MAN2A1: variants seen among roughly 807,000 people sequenced by gnomAD.
MAN2A1 encodes the protein mannosidase alpha class 2A member 1.
MAN2A1 carries 76 observed loss-of-function variants against 142.6 expected under a neutral mutation model. The observed-to-expected ratio is 0.53, with a 90% CI of 0.44 to 0.65. The LOEUF (loss-of-function observed/expected upper bound fraction) is 0.65. MAN2A1 is among the 30% of genes least tolerant of loss of function. The pLI, the probability that MAN2A1 is intolerant of heterozygous loss-of-function variation, is 0.00. For missense variants in MAN2A1, 1,311 were observed against 1,365.1 expected (o/e 0.96, Z 0.62); for synonymous variants, 559 against 473.2 (o/e 1.18, Z -2.35).
intron 13 of MAN2A1, 140 bp from the exon 14 acceptor site, chr5:109,819,529 G>A: frequency 2.0e-6 from 1 of 493,870 alleles, no homozygotes; most frequent in South Asian, 4.1e-5. Flanking sequence ...TGTGGACATG[G>A]AACCTGTGGA....
At chr5:109,785,741 AAGG>A (rs1004522833) in intron 10 of MAN2A1, among the ~76,000 whole-genome samples, 13 of 151,944 alleles carry the variant, frequency 8.6e-5, no homozygotes, top group Non-Finnish European at 1.9e-4. Context: ...TAGATTGGGG[AAGG>A]AGTTTTGACT....
intron 12 of MAN2A1, among the ~76,000 whole-genome samples, chr5:109,794,486 G>A (rs1052603789): frequency 6.6e-6 from 1 of 152,086 alleles, no homozygotes; most frequent in Non-Finnish European, 1.5e-5. Flanking sequence ...CTTGAAACTG[G>A]TCGGCTATAT....
chr5:109,824,716 G>C (rs1170302540), intron 16 of MAN2A1, among the ~76,000 whole-genome samples: 2 of 152,164 alleles, frequency 1.3e-5, no homozygotes, highest in African/African-American at 4.8e-5. Flanking sequence ...TAAATGTATA[G>C]GTAGGCACGG....
chr5:109,708,527 C>CACACACAG (rs1751205679), intron 1 of MAN2A1, among the ~76,000 whole-genome samples: 1 of 151,142 alleles, frequency 6.6e-6, no homozygotes, highest in Admixed American at 6.6e-5. Context: ...CACACACACA[C>CACACACAG]ACACACACAC....
At chr5:109,840,389 T>G in intron 16 of MAN2A1, 2 of 382,378 alleles carry the variant, frequency 5.2e-6, no homozygotes, top group South Asian at 4.7e-5. Context: ...TCCAGAGAAA[T>G]TGCTGGTAAT....
At chr5:109,716,289 A>G (rs1237065713) in intron 3 of MAN2A1, 25 bp downstream of exon 3, 1 of 1,583,978 alleles carries the variant, frequency 6.3e-7, no homozygotes, top group South Asian at 1.2e-5. Context: ...TCAAAAAGAC[A>G]GGAGGTTATT....
intron 13 of MAN2A1, among the ~76,000 whole-genome samples, chr5:109,819,044 C>T (rs1380299202): frequency 2.0e-5 from 3 of 152,110 alleles, no homozygotes; most frequent in East Asian, 1.9e-4. Context: ...TTTATAATAG[C>T]GTGAAAGTAA....
chr5:109,827,554 A>G (rs113232368), intron 16 of MAN2A1, among the ~76,000 whole-genome samples: 2,833 of 152,252 alleles, frequency 0.019, 34 homozygotes, highest in Middle Eastern at 0.071. Flanking sequence ...GTATAGTTCA[A>G]CCTACTTTTG....
chr5:109,714,196 A>C (rs1751389636), intron 2 of MAN2A1, among the ~76,000 whole-genome samples: 1 of 145,014 alleles, frequency 6.9e-6, no homozygotes, highest in Admixed American at 6.8e-5. Flanking sequence ...TTTTTTCTTA[A>C]TATCCTTTTG....
In MAN2A1 at chr5:109,823,683, A is replaced by G. The variant is rs780169144; in HGVS notation, c.2452-40A>G. 3.7e-5 allele frequency: 39 copies of G among 1,043,466 alleles called. 1 individual carries two copies. The South Asian group carries it at 5.1e-4, about 14-fold the overall frequency. 64.6% of individuals were successfully genotyped at this position (1,043,466 alleles called of 1,614,324 possible). On this transcript the variant is annotated intron_variant, in intron 15 of 21. Transcript: ENST00000261483. ...AAACATATTCTTTTAAAAGTTTGGAAGCCAAAATATTTTTCTTAAATATAT... is the reference window on the plus strand; with the variant it reads ...AAACATATTCTTTTAAAAGTTTGGAGGCCAAAATATTTTTCTTAAATATAT...
intron 7 of MAN2A1, among the ~76,000 whole-genome samples, chr5:109,773,130 T>G (rs1165764974): frequency 6.6e-6 from 1 of 152,304 alleles, no homozygotes; most frequent in East Asian, 1.9e-4. Flanking sequence ...TGTTATTGGT[T>G]CCATATATTT....
chr5:109,706,464 A>G (rs10477974), intron 1 of MAN2A1, among the ~76,000 whole-genome samples: 12,759 of 152,262 alleles, frequency 0.084, 631 homozygotes, highest in African/African-American at 0.15. Flanking sequence ...GGATATTAGT[A>G]TCTGCATTTT....
Position 109,722,706 on chromosome 5 carries a change from G to A in MAN2A1, c.535+6442G>A, listed in dbSNP as rs187789020. On this transcript the variant is annotated intron_variant, in intron 3 of 21. Coordinates refer to ENST00000261483, the MANE Select transcript of MAN2A1 (RefSeq NM_002372.4). ...GCTGGGATTACAGACTTAAGCCACC[G>A]TACCTAGCAATATTTTCCAGCCTTT... Among the ~76,000 whole-genome samples the A allele has an allele frequency of 2.5e-3, 381 of 152,130 alleles. 1 individual carries two copies. In the East Asian group the frequency reaches 0.025, roughly 10 times the overall value.
chr5:109,836,299 T>C (rs1755053517), intron 16 of MAN2A1, among the ~76,000 whole-genome samples: 1 of 151,426 alleles, frequency 6.6e-6, no homozygotes, highest in Admixed American at 6.6e-5. Context: ...TTTTTTTTAG[T>C]AAAGACAGTG....
intron 1 of MAN2A1, among the ~76,000 whole-genome samples, chr5:109,702,928 G>A (rs2300993): frequency 0.17 from 26,357 of 152,148 alleles, 3,237 homozygotes; most frequent in East Asian, 0.64. Flanking sequence ...TGTAGTGCTT[G>A]TATAAAGAGT....
intron 15 of MAN2A1, among the ~76,000 whole-genome samples, chr5:109,821,368 A>G (rs1311341987): frequency 6.6e-6 from 1 of 152,192 alleles, no homozygotes; most frequent in Non-Finnish European, 1.5e-5. Flanking sequence ...TAACATTGTA[A>G]TAAGCTTTCT....
chr5:109,806,797 T>G (rs183571212), intron 12 of MAN2A1, among the ~76,000 whole-genome samples: 18 of 152,330 alleles, frequency 1.2e-4, no homozygotes, highest in Admixed American at 7.2e-4. Flanking sequence ...TTGCATTTGA[T>G]CACACATGCA....
At chr5:109,776,526 T>C (rs1418754335) in intron 8 of MAN2A1, among the ~76,000 whole-genome samples, 1 of 152,134 alleles carries the variant, frequency 6.6e-6, no homozygotes, top group Non-Finnish European at 1.5e-5. Flanking sequence ...TGGTCTCCTG[T>C]CTGACTGAAA....
At chr5:109,843,374 C>T (rs772876533) in intron 17 of MAN2A1, among the ~76,000 whole-genome samples, 1 of 152,136 alleles carries the variant, frequency 6.6e-6, no homozygotes, top group African/African-American at 2.4e-5. Flanking sequence ...GGGGGAACCA[C>T]CCCCATGATC....
Sources: allele counts gnomAD v4.1 joint callset (sites outside exome capture counted in the v4.1 genomes callset), GRCh38; gene constraint gnomAD v4.1.1; transcripts MANE v1.5; gene names NCBI Gene and HGNC (gene_info 2026-07-23, HGNC 2026-07-21).